The following RTRAF variants were observed in gnomAD, a reference collection of about 807,000 sequenced individuals.
RTRAF encodes the protein RNA transcription, translation and transport factor, also known as tRNA-splicing ligase complex subunit RTRAF.
In RTRAF, 14 loss-of-function variants were observed where a neutral mutation model predicts 34.4. The ratio of observed to expected loss-of-function variants is 0.41; its 90% CI spans 0.27 to 0.64. The LOEUF (loss-of-function observed/expected upper bound fraction) is 0.64, where lower values mean the gene tolerates loss of function less well. Among genes scored for constraint, RTRAF ranks in the 30% least tolerant of loss-of-function variants. The pLI, the probability that RTRAF is intolerant of heterozygous loss-of-function variation, is 0.34. For synonymous variants in RTRAF, 96 were observed against 95.3 expected (o/e 1.01, Z -0.04); for missense variants, 291 against 288.4 (o/e 1.01, Z -0.06).
chr14:52,003,275 G>A (rs1041836637), intron 6 of RTRAF, among the ~76,000 whole-genome samples: 7 of 152,122 alleles, frequency 4.6e-5, no homozygotes, highest in Admixed American at 2.6e-4. Flanking sequence ...GGAAAAAAAA[G>A]TGGAGCCTCT....
At chr14:51,994,692 C>T (rs1224042777) in intron 3 of RTRAF, among the ~76,000 whole-genome samples, 1 of 152,192 alleles carries the variant, frequency 6.6e-6, no homozygotes, top group Admixed American at 6.5e-5. Flanking sequence ...TTCCAAAGAA[C>T]AGTTCCAGTT....
chr14:51,998,727 C>T, intron 4 of RTRAF, 147 bp downstream of exon 4: 3 of 449,022 alleles, frequency 6.7e-6, no homozygotes, highest in Middle Eastern at 3.1e-4. Context: ...ATTTTATTCT[C>T]TATAATGTTT....
Position 52,009,252 on chromosome 14 carries a change from T to C in RTRAF, c.*4736T>C, listed in dbSNP as rs1359689859. 1.3e-5 allele frequency: 2 copies of C among 152,160 alleles called. No individual in the cohort carries two copies. The highest frequency in any genetic ancestry group is 2.4e-5 in the African/African-American group (1 of 41,444). The allele number at this position is 152,160 out of a possible 1,614,324, so 9.4% of individuals were successfully genotyped here. ...GCCAGAGGGTACAGCATGCATATCATTGCTTCATCGCTTCTGATCAGTCTC... is the reference window on the plus strand; with the variant it reads ...GCCAGAGGGTACAGCATGCATATCACTGCTTCATCGCTTCTGATCAGTCTC... On this transcript the variant is annotated 3_prime_UTR_variant, in exon 8 of 8. Coordinates refer to ENST00000261700, the MANE Select transcript of RTRAF (RefSeq NM_016039.3).
chr14:51,998,561 A>G lies in RTRAF; in HGVS notation c.354A>G (p.Glu118=). The G allele has an allele frequency of 6.3e-7, 1 of 1,592,816 alleles. No individual in the cohort carries two copies. ...KTADNATKNA[E]PLINLDVNNP... ...CTGACAATGCAACTAAAAATGCAGA[A>G]CCATTGATCAATTTGGATGGTGAGT... Residue 118 remains glutamate (E), a synonymous_variant, in exon 4 of 8, where the codon GAA becomes GAG. Transcript: ENST00000261700.
Position 51,989,619 on chromosome 14 carries a change from C to A in RTRAF, c.-21C>A. 6.3e-7 allele frequency: 1 copy of A among 1,594,892 alleles called. No individual in the cohort carries two copies. The highest frequency in any genetic ancestry group is 8.5e-7 in the Non-Finnish European group (1 of 1,171,318). On this transcript the variant is annotated 5_prime_UTR_variant, in exon 1 of 8. Transcript: ENST00000261700. ...TCTCTCCCGGCCGAGGCCCGGGGGA[C>A]CAGAGCGAGAAGCGGGGACCATGTT... is the stretch of plus-strand genomic sequence containing the variant.
At chr14:51,998,836 G>C (rs1890562514) in intron 4 of RTRAF, among the ~76,000 whole-genome samples, 1 of 151,740 alleles carries the variant, frequency 6.6e-6, no homozygotes, top group Non-Finnish European at 1.5e-5. Flanking sequence ...TTAATCATGG[G>C]GGTCATTGTT....
rs966130987 is a variant in RTRAF, at chr14:52,008,905, G to A, written c.*4389G>A. 8 of 152,138 alleles carry A rather than the reference G, an allele frequency of 5.3e-5. No homozygotes were observed. Among genetic ancestry groups the A allele is most frequent in the South Asian group, 2.1e-4 (1 of 4,826 alleles). 9.4% of individuals were successfully genotyped at this position (152,138 alleles called of 1,614,324 possible). ...AAGCACTTTACCTTTTAAATGCCACGTTAAAAATGAAATATATTCATAACA... is the reference window on the plus strand; with the variant it reads ...AAGCACTTTACCTTTTAAATGCCACATTAAAAATGAAATATATTCATAACA... On this transcript the variant is annotated 3_prime_UTR_variant, in exon 8 of 8. Transcript: ENST00000261700.
intron 3 of RTRAF, 111 bp from the exon 4 acceptor site, chr14:51,998,383 A>T: frequency 1.7e-6 from 1 of 587,788 alleles, no homozygotes; most frequent in Non-Finnish European, 3.0e-6. Flanking sequence ...CATTTCCAGT[A>T]AGGGAAACTC....
intron 4 of RTRAF, 131 bp downstream of exon 4, chr14:51,998,711 G>A: frequency 2.0e-6 from 1 of 492,702 alleles, no homozygotes; most frequent in Non-Finnish European, 3.6e-6. Context: ...CAGCATTTAT[G>A]TTAACATTTT....
chr14:51,991,461 A>G lies in RTRAF; in HGVS notation c.186+20A>G. On this transcript the variant is annotated intron_variant, in intron 2 of 7. Coordinates refer to ENST00000261700, the MANE Select transcript of RTRAF (RefSeq NM_016039.3). ...GAAAAGGTAATGAATTAGGAAGTAAAGTAAAAATACAGAGAGTTTGTCTGA... is the reference window on the plus strand; with the variant it reads ...GAAAAGGTAATGAATTAGGAAGTAAGGTAAAAATACAGAGAGTTTGTCTGA... 6.3e-7 allele frequency: 1 copy of G among 1,599,390 alleles called. No individual in the cohort carries two copies. The highest frequency in any genetic ancestry group is 8.5e-7 in the Non-Finnish European group (1 of 1,172,546).
Position 52,006,652 on chromosome 14 carries a change from T to C in RTRAF, c.*2136T>C. 1 of 1,613,368 alleles carries C rather than the reference T, an allele frequency of 6.2e-7. No homozygotes were observed. ...CCATCAGGTAGTGTACACTCCAGTTTTTTGGTTCCTTTTAAAACAAAGGGG... is the reference window on the plus strand; with the variant it reads ...CCATCAGGTAGTGTACACTCCAGTTCTTTGGTTCCTTTTAAAACAAAGGGG... On this transcript the variant is annotated 3_prime_UTR_variant, in exon 8 of 8. Coordinates refer to ENST00000261700, the MANE Select transcript of RTRAF (RefSeq NM_016039.3).
rs770598326 is a variant in RTRAF at position 52,006,695 on chromosome 14, G to A, written c.*2179G>A. 1.1e-5 allele frequency: 18 copies of A among 1,610,484 alleles called. No homozygotes were observed. The highest frequency in any genetic ancestry group is 1.5e-5 in the Non-Finnish European group (18 of 1,177,652). On this transcript the variant is annotated 3_prime_UTR_variant, in exon 8 of 8. Coordinates refer to ENST00000261700, the MANE Select transcript of RTRAF (RefSeq NM_016039.3). ...CAAAGGGGGAAAATGAGGTCCTTCAGCTGCTTTGCCAAAAATGATAGTGAC... is the reference window on the plus strand; with the variant it reads ...CAAAGGGGGAAAATGAGGTCCTTCAACTGCTTTGCCAAAAATGATAGTGAC...
chr14:51,998,316 A>T, intron 3 of RTRAF, 178 bp from the exon 4 acceptor site: 1 of 471,060 alleles, frequency 2.1e-6, no homozygotes. Flanking sequence ...AAAATATCCC[A>T]TTTTATATAT....
chr14:51,993,356 T>C lies in RTRAF; in HGVS notation c.187-367T>C, dbSNP rs143229070. 9.3e-3 allele frequency among the ~76,000 whole-genome samples: 1,423 copies of C among 152,258 alleles called. 14 individuals carry two copies. The highest frequency in any genetic ancestry group is 0.026 in the South Asian group (125 of 4,818). On this transcript the variant is annotated intron_variant, in intron 2 of 7. Coordinates refer to ENST00000261700, the MANE Select transcript of RTRAF (RefSeq NM_016039.3). ...AAGTTAAGGTTTAGATAGATAATGA[T>C]TTATTGTATATCCTTTTTAAAGTTA...
chr14:51,999,732 G>A lies in RTRAF; in HGVS notation c.398G>A (p.Gly133Asp), dbSNP rs1192058151. Reference protein sequence around the residue: ...LDVNNPDFKAGVMALANLLQI... With the variant: ...LDVNNPDFKADVMALANLLQI... ...GTAAATAATCCTGATTTTAAGGCTG[G>A]TGTGATGGCTTTGGCTAACCTGCTT... The change falls in exon 5 of 8, where the codon GGT becomes GAT. Residue 133 changes from glycine to aspartate, a missense_variant. Transcript: ENST00000261700. The A allele has an allele frequency of 1.1e-5, 18 of 1,609,664 alleles. No homozygotes were observed. The highest frequency in any genetic ancestry group is 1.4e-5 in the Non-Finnish European group (17 of 1,176,768).
At chr14:52,003,937 T>C (rs989399667) in intron 6 of RTRAF, 4 of 469,754 alleles carry the variant, frequency 8.5e-6, no homozygotes, top group African/African-American at 8.0e-5. Context: ...TTTGTATGCC[T>C]GGGCTAAAGG....
At chr14:51,993,845 A>G in intron 3 of RTRAF, 23 bp downstream of exon 3, 2 of 1,392,138 alleles carry the variant, frequency 1.4e-6, no homozygotes, top group South Asian at 1.2e-5. Flanking sequence ...GGGAATGTGT[A>G]TTTTAAAGAG....
Position 51,998,556 on chromosome 14 carries a change from G to A in RTRAF, c.349G>A (p.Ala117Thr), listed in dbSNP as rs1890556749. 2 of 1,593,542 alleles carry A rather than the reference G, an allele frequency of 1.3e-6. No individual in the cohort carries two copies. Among genetic ancestry groups the A allele is most frequent in the Non-Finnish European group, 1.7e-6 (2 of 1,169,582 alleles). Reference sequence around the variant, plus strand: ...AACTGCTGACAATGCAACTAAAAATGCAGAACCATTGATCAATTTGGATGG... The same window carrying A: ...AACTGCTGACAATGCAACTAAAAATACAGAACCATTGATCAATTTGGATGG... ...SKTADNATKN[A>T]EPLINLDVNN... Residue 117 changes from alanine to threonine, a missense_variant, in exon 4 of 8, where the codon GCA (alanine) becomes ACA (threonine). Transcript: ENST00000261700.
In RTRAF at chr14:52,006,404, A is replaced by G. The variant is rs940223264; in HGVS notation, c.*1888A>G. On this transcript the variant is annotated 3_prime_UTR_variant, in exon 8 of 8. Transcript: ENST00000261700. ...CATCCTTGAAGGATCTTATCTGCCA[A>G]TGAGGAGGTGATGAAACAAAAGCCT... The G allele has an allele frequency of 3.3e-5, 30 of 900,304 alleles. No homozygotes were observed. Among genetic ancestry groups the G allele is most frequent in the Non-Finnish European group, 4.8e-5 (28 of 580,584 alleles). 55.8% of individuals were successfully genotyped at this position (900,304 alleles called of 1,614,324 possible). A position where few individuals can be genotyped will look rare whatever the true frequency, so the allele number is the denominator to read the frequency against.
Sources: gnomAD v4.1 joint callset for allele counts (sites outside exome capture counted in the v4.1 genomes callset) on GRCh38, gnomAD v4.1.1 for gene constraint, MANE v1.5 for transcripts, NCBI Gene and HGNC (gene_info 2026-07-23, HGNC 2026-07-21) for gene names.